TTC27: variants seen among roughly 807,000 people sequenced by gnomAD.
TTC27 encodes tetratricopeptide repeat protein 27.
In TTC27, 79 loss-of-function variants were observed where a neutral mutation model predicts 115.9. That is an observed-to-expected ratio of 0.68 (90% CI 0.57 to 0.82). TTC27 has a LOEUF of 0.82. Ranked by LOEUF, TTC27 falls within the 40% of genes least tolerant of loss-of-function variation. The pLI is 0.00. For missense variants in TTC27, 1,054 were observed against 993.1 expected, an observed-to-expected ratio of 1.06 and a Z score of -0.82; for synonymous variants, 401 against 356.0, an observed-to-expected ratio of 1.13 and a Z score of -1.42.
At chr2:32,678,985 G>A in intron 9 of TTC27, 63 bp downstream of exon 9, 2 of 1,427,748 alleles carry the variant, frequency 1.4e-6, no homozygotes, top group Non-Finnish European at 2.0e-6. Flanking sequence ...CCTCTGGTAT[G>A]GTCTTGCCTT....
Position 32,640,368 on chromosome 2 carries a change from C to T in TTC27, c.495C>T (p.Arg165=). The T allele has an allele frequency of 6.2e-7, 1 of 1,613,916 alleles. No homozygotes were observed. The highest frequency in any genetic ancestry group is 8.5e-7 in the Non-Finnish European group (1 of 1,179,950). Residue 165 remains arginine, a synonymous_variant, in exon 4 of 20, where the codon CGC becomes CGT. Coordinates refer to ENST00000317907, the MANE Select transcript of TTC27 (RefSeq NM_017735.5). The stretch of plus-strand genomic sequence containing the variant: ...AGCCTATACTACTGTTATTAGCACG[C>T]ATTATCCTAGTGAATGTAAGACATA... The part of the protein sequence containing the change: ...TSKPILLLLA[R]IILVNVRHKL...
At chr2:32,640,930 C>T (rs1294596830) in intron 4 of TTC27, among the ~76,000 whole-genome samples, 3 of 152,004 alleles carry the variant, frequency 2.0e-5, no homozygotes, top group Non-Finnish European at 2.9e-5. Flanking sequence ...TGCAGTGAGC[C>T]GTGATTGCGC....
chr2:32,730,902 A>T (rs1325162246), intron 10 of TTC27, among the ~76,000 whole-genome samples: 1 of 151,940 alleles, frequency 6.6e-6, no homozygotes, highest in East Asian at 1.9e-4. Context: ...GATTACAGGC[A>T]TGAGCCATTG....
intron 12 of TTC27, among the ~76,000 whole-genome samples, chr2:32,753,527 TCC>T (rs1197612167): frequency 7.8e-6 from 1 of 127,998 alleles, no homozygotes; most frequent in Non-Finnish European, 1.6e-5. Context: ...AACCTCTGCC[TCC>T]CACTCTGCCT....
At chr2:32,730,630 T>A (rs1405858548) in intron 10 of TTC27, among the ~76,000 whole-genome samples, 1 of 151,554 alleles carries the variant, frequency 6.6e-6, no homozygotes, top group Non-Finnish European at 1.5e-5. Context: ...TATTTTTTTT[T>A]TTTTTTTTCT....
chr2:32,744,709 C>A (rs1172966341), intron 12 of TTC27, among the ~76,000 whole-genome samples: 1 of 152,134 alleles, frequency 6.6e-6, no homozygotes, highest in African/African-American at 2.4e-5. Context: ...TGTTCATGGT[C>A]ATTCATTTAG....
Position 32,666,632 on chromosome 2 carries a change from C to G in TTC27, c.806-3C>G. ...AGTAGATATAATTTTATTGTTTTTT[C>G]AGGTGCTTTGGGAAAAAGAACACGG... On this transcript the variant is annotated splice_polypyrimidine_tract_variant and splice_region_variant and intron_variant, in intron 6 of 19. Coordinates refer to ENST00000317907, the MANE Select transcript of TTC27 (RefSeq NM_017735.5). 1.2e-6 allele frequency: 2 copies of G among 1,612,650 alleles called. No homozygotes were observed. Among genetic ancestry groups the G allele is most frequent in the South Asian group, 1.1e-5 (1 of 90,944 alleles).
intron 16 of TTC27, among the ~76,000 whole-genome samples, chr2:32,807,357 C>T (rs1671165690): frequency 6.6e-6 from 1 of 152,152 alleles, no homozygotes; most frequent in Non-Finnish European, 1.5e-5. Context: ...AAAGGAGAAA[C>T]CCTTTAGCGT....
At chr2:32,764,255 A>T (rs754150365) in intron 13 of TTC27, among the ~76,000 whole-genome samples, 7 of 152,226 alleles carry the variant, frequency 4.6e-5, no homozygotes, top group Non-Finnish European at 1.0e-4. Flanking sequence ...TACCACAGAG[A>T]TACTGTAGAT....
intron 11 of TTC27, among the ~76,000 whole-genome samples, chr2:32,734,292 G>C (rs1668385378): frequency 6.6e-6 from 1 of 152,042 alleles, no homozygotes; most frequent in African/African-American, 2.4e-5. Context: ...TTACAGCCTT[G>C]AACCCCTGGG....
intron 9 of TTC27, among the ~76,000 whole-genome samples, chr2:32,701,518 G>C (rs1667183687): frequency 6.6e-6 from 1 of 152,120 alleles, no homozygotes; most frequent in Non-Finnish European, 1.5e-5. Flanking sequence ...TAACCTGTTG[G>C]TGCTTCATTT....
At chr2:32,729,925 G>A (rs1349291671) in intron 10 of TTC27, among the ~76,000 whole-genome samples, 1 of 152,114 alleles carries the variant, frequency 6.6e-6, no homozygotes, top group African/African-American at 2.4e-5. Flanking sequence ...AAACTGGAAA[G>A]AGAAAATGGG....
chr2:32,718,350 C>A (rs1667818429), intron 10 of TTC27, among the ~76,000 whole-genome samples: 2 of 151,966 alleles, frequency 1.3e-5, no homozygotes, highest in African/African-American at 4.8e-5. Context: ...CTAATTTTGA[C>A]CATTTTGACC....
intron 10 of TTC27, among the ~76,000 whole-genome samples, chr2:32,732,561 TC>T (rs1322765774): frequency 6.6e-6 from 1 of 152,206 alleles, no homozygotes; most frequent in Non-Finnish European, 1.5e-5. Context: ...CCTTTTTTTT[TC>T]TCCTGAGGCT....
intron 10 of TTC27, among the ~76,000 whole-genome samples, chr2:32,717,149 A>AT (rs35531737): frequency 4.6e-5 from 7 of 150,884 alleles, no homozygotes; most frequent in East Asian, 3.9e-4. Context: ...AATTTGTAAT[A>AT]TTTTTTTTGA....
intron 11 of TTC27, among the ~76,000 whole-genome samples, chr2:32,734,987 G>T (rs2151915842): frequency 6.6e-6 from 1 of 152,214 alleles, no homozygotes; most frequent in Non-Finnish European, 1.5e-5. Context: ...AGCCAGCCAG[G>T]GGATTACAGA....
intron 2 of TTC27, among the ~76,000 whole-genome samples, chr2:32,633,029 TTTG>T (rs898289795): frequency 3.3e-5 from 5 of 152,350 alleles, no homozygotes; most frequent in African/African-American, 9.6e-5. Flanking sequence ...ATCTATATGT[TTTG>T]TTGTTGTTGT....
intron 16 of TTC27, among the ~76,000 whole-genome samples, chr2:32,810,042 G>A (rs111727517): frequency 0.014 from 2,092 of 151,698 alleles, 45 homozygotes; most frequent in African/African-American, 0.049. Context: ...ACTTGAGCCC[G>A]GGAGGCGGAA....
chr2:32,754,489 G>C (rs1305703409), intron 12 of TTC27, among the ~76,000 whole-genome samples: 1 of 149,346 alleles, frequency 6.7e-6, no homozygotes, highest in Admixed American at 6.7e-5. Context: ...AGTATCCCAA[G>C]GCAGAAGAAT....
Sources: gnomAD v4.1 joint callset for allele counts (sites outside exome capture counted in the v4.1 genomes callset) on GRCh38, gnomAD v4.1.1 for gene constraint, MANE v1.5 for transcripts, NCBI Gene and HGNC (gene_info 2026-07-23, HGNC 2026-07-21) for gene names.